The following ANXA7 variants were observed in gnomAD, a reference collection of about 807,000 sequenced individuals.
The protein encoded by ANXA7 is annexin A7.
Under a neutral mutation model 64.9 loss-of-function variants are expected in ANXA7, and 55 were observed. That is an observed-to-expected ratio of 0.85 (90% CI 0.68 to 1.06). The LOEUF (loss-of-function observed/expected upper bound fraction) is 1.06. Ranked by LOEUF, ANXA7 falls within the 50% of genes least tolerant of loss-of-function variation. The pLI is 0.00. For missense variants in ANXA7, 548 were observed against 582.1 expected, an observed-to-expected ratio of 0.94 and a Z score of 0.60; for synonymous variants, 200 against 192.4, an observed-to-expected ratio of 1.04 and a Z score of -0.33.
intron 5 of ANXA7, among the ~76,000 whole-genome samples, chr10:73,394,860 A>AAACAAT (rs2055544825): frequency 1.3e-5 from 2 of 152,218 alleles, no homozygotes; most frequent in Non-Finnish European, 2.9e-5. Flanking sequence ...AAAGTGTAAT[A>AAACAAT]AAAAATAAAA....
chr10:73,379,893 C>T lies in ANXA7; in HGVS notation c.1151G>A (p.Gly384Asp). ...SREFSGYVES[G>D]LKTILQCALN... is the part of the protein sequence containing the mutation. Reference sequence around the variant, plus strand: ...AAATATCTTACAGATGGTCTTCAAACCACTTTCTACATATCCGGAAAACTC... The same window carrying T: ...AAATATCTTACAGATGGTCTTCAAATCACTTTCTACATATCCGGAAAACTC... Residue 384 changes from glycine (G) to aspartate (D), a missense_variant, in exon 11 of 13, where the codon GGT (glycine) becomes GAT (aspartate). Gly to Asp is a moderately conservative substitution (Grantham distance 94). Transcript: ENST00000372921. 6.2e-7 allele frequency: 1 copy of T among 1,614,120 alleles called. No individual in the cohort carries two copies. The highest frequency in any genetic ancestry group is 8.5e-7 in the Non-Finnish European group (1 of 1,179,994).
intron 1 of ANXA7, among the ~76,000 whole-genome samples, chr10:73,404,340 C>T (rs2055719510): frequency 6.6e-6 from 1 of 152,122 alleles, no homozygotes; most frequent in Non-Finnish European, 1.5e-5. Flanking sequence ...AAGTTATGTT[C>T]TTCAAAAGGT....
rs146403699 is a variant in ANXA7 at position 73,396,146 on chromosome 10, G to A, written c.435+373C>T. 9.2e-6 allele frequency: 13 copies of A among 1,412,456 alleles called. No homozygotes were observed. In the East Asian group the frequency reaches 2.5e-4, roughly 27 times the overall value. 87.5% of individuals were successfully genotyped at this position (1,412,456 alleles called of 1,614,324 possible). ...GTGAAAAGTTATAAAGGTAAAAATG[G>A]GAAACAAAACCACCCTACATAAATC... On this transcript the variant is annotated intron_variant, in intron 5 of 12. Transcript: ENST00000372921.
chr10:73,412,570 T>C (rs2055862089), intron 1 of ANXA7, among the ~76,000 whole-genome samples: 1 of 150,454 alleles, frequency 6.6e-6, no homozygotes, highest in Non-Finnish European at 1.5e-5. Flanking sequence ...CTTGGCTCAC[T>C]GCAACCTCTG....
intron 5 of ANXA7, 84 bp from the exon 6 acceptor site, chr10:73,388,498 T>C: frequency 9.6e-7 from 1 of 1,046,690 alleles, no homozygotes; most frequent in Non-Finnish European, 1.5e-6. Flanking sequence ...CAGACATCAA[T>C]CTTAAGTAAG....
chr10:73,407,696 G>A (rs1242860321), intron 1 of ANXA7, among the ~76,000 whole-genome samples: 1 of 152,214 alleles, frequency 6.6e-6, no homozygotes, highest in Non-Finnish European at 1.5e-5. Context: ...AATGAGCACT[G>A]TCCTAGGTGC....
chr10:73,383,902 A>G (rs2055315868), intron 7 of ANXA7, among the ~76,000 whole-genome samples: 2 of 152,158 alleles, frequency 1.3e-5, no homozygotes, highest in Non-Finnish European at 2.9e-5. Flanking sequence ...CAGGAGGATC[A>G]TGAGGTCAGG....
chr10:73,380,420 C>T lies in ANXA7; in HGVS notation c.919-219G>A, dbSNP rs573920353. Among the ~76,000 whole-genome samples the T allele has an allele frequency of 5.3e-5, 8 of 152,072 alleles. No homozygotes were observed. The East Asian group carries it at 5.8e-4, about 11-fold the overall frequency. On this transcript the variant is annotated intron_variant, in intron 9 of 12. Coordinates refer to ENST00000372921, the MANE Select transcript of ANXA7 (RefSeq NM_001156.5). ...AGATAGCTGGGACTACAGGCACAAA[C>T]GACCATGCCTGGTTAATTTTTTTAT...
chr10:73,396,951 T>G (rs1295664798), intron 4 of ANXA7, among the ~76,000 whole-genome samples: 1 of 152,202 alleles, frequency 6.6e-6, no homozygotes, highest in Non-Finnish European at 1.5e-5. Context: ...GGACAGATTT[T>G]TTTAATAGAA....
At chr10:73,383,712 C>G in intron 7 of ANXA7, 22 bp from the exon 8 acceptor site, 1 of 1,449,290 alleles carries the variant, frequency 6.9e-7, no homozygotes, top group Admixed American at 1.7e-5. Flanking sequence ...CAAATACAAG[C>G]TAAGTATATG....
chr10:73,400,271 C>T (rs1183146892), intron 2 of ANXA7, among the ~76,000 whole-genome samples: 1 of 152,074 alleles, frequency 6.6e-6, no homozygotes, highest in Non-Finnish European at 1.5e-5. Flanking sequence ...AAACGTACTC[C>T]AAGTCTAAGA....
chr10:73,378,162 G>C (rs185161672), intron 12 of ANXA7, among the ~76,000 whole-genome samples: 12 of 151,826 alleles, frequency 7.9e-5, no homozygotes, highest in Admixed American at 7.9e-4. Context: ...ATCACTTGAG[G>C]TCAGGAGTTC....
At chr10:73,396,465 G>T in intron 5 of ANXA7, 54 bp downstream of exon 5, 1 of 1,351,962 alleles carries the variant, frequency 7.4e-7, no homozygotes, top group Non-Finnish European at 1.0e-6. Context: ...CAAAGGATAG[G>T]TTCCTTCTTT....
chr10:73,401,645 G>A (rs565092156), intron 1 of ANXA7, among the ~76,000 whole-genome samples: 5 of 152,218 alleles, frequency 3.3e-5, no homozygotes, highest in Admixed American at 1.3e-4. Flanking sequence ...GATTACAGGC[G>A]TCTGCCACCA....
intron 1 of ANXA7, among the ~76,000 whole-genome samples, chr10:73,409,229 ACTGTTTG>A (rs2055804314): frequency 6.6e-6 from 1 of 152,202 alleles, no homozygotes; most frequent in Non-Finnish European, 1.5e-5. Context: ...TCAAACTATC[ACTGTTTG>A]CAGATATTAT....
Position 73,396,105 on chromosome 10 carries a change from T to C in ANXA7, c.435+414A>G, listed in dbSNP as rs922083062. 9 of 1,586,330 alleles carry C rather than the reference T, an allele frequency of 5.7e-6. No individual in the cohort carries two copies. The African/African-American group carries it at 6.7e-5, about 12-fold the overall frequency. On this transcript the variant is annotated intron_variant, in intron 5 of 12. Transcript: ENST00000372921. ...AGGATAGGAAGAAAAAGAATCTGTATTGATCTGAAAAAAGAGTGAAAAGTT... is the reference window on the plus strand; with the variant it reads ...AGGATAGGAAGAAAAAGAATCTGTACTGATCTGAAAAAAGAGTGAAAAGTT...
chr10:73,388,366 T>G lies in ANXA7; in HGVS notation c.484A>C (p.Asn162His). The change falls in exon 6 of 13, where the codon AAC becomes CAC. Residue 162 changes from asparagine (N) to histidine (H), a missense_variant. Transcript: ENST00000372921. ...VTQGTIRPAANFDAIRDAEIL... is the reference protein window; with the variant it reads ...VTQGTIRPAAHFDAIRDAEIL... ...TCTGCATCTCTTATAGCATCGAAGT[T>G]GGCAGCTGGTCGGATAGTTCCTTGA... is the stretch of plus-strand genomic sequence containing the variant. 1.2e-6 allele frequency: 2 copies of G among 1,614,134 alleles called. No homozygotes were observed. Among genetic ancestry groups the G allele is most frequent in the Non-Finnish European group, 1.7e-6 (2 of 1,179,984 alleles).
chr10:73,392,192 A>G (rs1030099370), intron 5 of ANXA7, among the ~76,000 whole-genome samples: 1 of 152,182 alleles, frequency 6.6e-6, no homozygotes, highest in Non-Finnish European at 1.5e-5. Context: ...AGGCTCTGAA[A>G]TTGAGGCAAT....
intron 9 of ANXA7, 137 bp downstream of exon 9, chr10:73,383,038 G>A: frequency 1.4e-6 from 1 of 700,158 alleles, no homozygotes; most frequent in South Asian, 2.9e-5. Flanking sequence ...CTGTACACTG[G>A]TTTCTGTGTT....
Sources: gnomAD v4.1 joint callset for allele counts (sites outside exome capture counted in the v4.1 genomes callset) on GRCh38, gnomAD v4.1.1 for gene constraint, MANE v1.5 for transcripts, NCBI Gene and HGNC (gene_info 2026-07-23, HGNC 2026-07-21) for gene names.